The following PFKP variants were observed in gnomAD, a reference collection of about 807,000 sequenced individuals.
PFKP encodes ATP-dependent 6-phosphofructokinase, platelet type.
PFKP carries 101 observed loss-of-function variants against 94.3 expected under a neutral mutation model. The ratio of observed to expected loss-of-function variants is 1.07; its 90% confidence interval spans 0.91 to 1.26. PFKP has a LOEUF of 1.26. Ranked by LOEUF, PFKP falls within the 50% of genes most tolerant of loss-of-function variation. The pLI is 0.00. For missense variants in PFKP, 1,145 were observed against 1,103.3 expected (o/e 1.04, Z -0.53); for synonymous variants, 573 against 432.6 (o/e 1.32, Z -4.03).
intron 8 of PFKP, chr10:3,107,748 T>TCAC: frequency 2.6e-5 from 22 of 838,126 alleles, no homozygotes; most frequent in Non-Finnish European, 2.9e-5. Flanking sequence ...GAGCACATTC[T>TCAC]TACAAAGCCA....
At chr10:3,104,252 G>A (rs564981036) in intron 5 of PFKP, among the ~76,000 whole-genome samples, 2 of 152,250 alleles carry the variant, frequency 1.3e-5, no homozygotes, top group Non-Finnish European at 2.9e-5. Context: ...GCAGGAAACT[G>A]TTGTGTGGAT....
chr10:3,107,189 G>C (rs761504262), intron 7 of PFKP, 25 bp from the exon 8 acceptor site: 4 of 1,389,754 alleles, frequency 2.9e-6, no homozygotes, highest in East Asian at 2.3e-5. Flanking sequence ...AGGAATTTGA[G>C]AGCTTTAATT....
rs1360364081 is a variant in PFKP, at chr10:3,067,834, C to A, written c.112+127C>A. On this transcript the variant is annotated intron_variant, in intron 1 of 21. Coordinates refer to ENST00000381125, the MANE Select transcript of PFKP (RefSeq NM_002627.5). ...ATGGGGGGGACCCGGGGAAAGGTGG[C>A]GAAGCGATGGGGAGAACCGGGGAGA... The A allele has an allele frequency of 6.4e-6, 3 of 466,104 alleles. No homozygotes were observed. The East Asian group carries it at 1.1e-4, about 17-fold the overall frequency. The allele number at this position is 466,104 out of a possible 1,614,324, so 28.9% of individuals were successfully genotyped here.
intron 2 of PFKP, among the ~76,000 whole-genome samples, chr10:3,084,344 C>T (rs1352389296): frequency 6.6e-6 from 1 of 152,206 alleles, no homozygotes; most frequent in Non-Finnish European, 1.5e-5. Flanking sequence ...GCTTTCTAAG[C>T]CATGTTTCCC....
At position 3,097,508 on chromosome 10, in the gene PFKP, C is replaced by T. The variant is rs531152338; in HGVS notation, c.187-1767C>T. 3.0e-3 allele frequency among the ~76,000 whole-genome samples: 458 copies of T among 152,148 alleles called. 4 individuals are homozygous for T. Among genetic ancestry groups the T allele is most frequent in the African/African-American group, 0.011 (440 of 41,502 alleles). ...GACTGGGCTGTGTTTAGAAGATGTT[C>T]TGCTGTTTTGCCATGGAGGTAGGGG... On this transcript the variant is annotated intron_variant, in intron 2 of 21. Coordinates refer to ENST00000381125, the MANE Select transcript of PFKP (RefSeq NM_002627.5).
intron 2 of PFKP, 43 bp downstream of exon 2, chr10:3,082,504 GC>G: frequency 6.9e-7 from 1 of 1,447,604 alleles, no homozygotes; most frequent in Non-Finnish European, 9.6e-7. Flanking sequence ...TCTTCCACCT[GC>G]CCAGAGCCCT....
chr10:3,136,314 GGC>G (rs1839330792), intron 21 of PFKP, 134 bp from the exon 22 acceptor site: 1 of 746,758 alleles, frequency 1.3e-6, no homozygotes, highest in Non-Finnish European at 2.2e-6. Context: ...TCCTGAAATT[GGC>G]TTTATCATCT....
intron 16 of PFKP, among the ~76,000 whole-genome samples, chr10:3,120,948 G>T (rs7096442): frequency 0.45 from 69,086 of 152,106 alleles, 15,651 homozygotes; most frequent in East Asian, 0.48. Flanking sequence ...CTAAAAGTTT[G>T]TAGTAATTCT....
intron 1 of PFKP, among the ~76,000 whole-genome samples, chr10:3,076,046 A>G (rs1376381312): frequency 6.7e-6 from 1 of 148,378 alleles, no homozygotes; most frequent in African/African-American, 2.5e-5. Flanking sequence ...AAAAAGTAAA[A>G]ACCGGTAAAA....
intron 14 of PFKP, among the ~76,000 whole-genome samples, chr10:3,118,429 C>T (rs556088417): frequency 1.3e-5 from 2 of 152,130 alleles, no homozygotes; most frequent in South Asian, 4.2e-4. Context: ...GATTACGCCA[C>T]TACACTCCAG....
rs141623019 is a variant in PFKP, at chr10:3,136,488, G to A, written c.2264G>A (p.Arg755Gln). 25 of 1,613,420 alleles carry A rather than the reference G, an allele frequency of 1.5e-5. No homozygotes were observed. Among genetic ancestry groups the A allele is most frequent in the East Asian group, 4.5e-5 (2 of 44,868 alleles). Residue 755 changes from arginine (R) to glutamine (Q), a missense_variant, in exon 22 of 22, where the codon CGG becomes CAG. Around this residue, in one of 3 missense-constraint regions of PFKP, gnomAD observed 6 missense variants for 21.0 expected, o/e 0.29. Coordinates refer to ENST00000381125, the MANE Select transcript of PFKP (RefSeq NM_002627.5). Reference protein sequence around the residue: ...IPKEQWWLKLRPLMKILAKYK... With the variant: ...IPKEQWWLKLQPLMKILAKYK... ...AAAGAACAGTGGTGGCTCAAGCTAC[G>A]GCCCCTCATGAAAATCCTGGCCAAG...
intron 10 of PFKP, among the ~76,000 whole-genome samples, 162 bp from the exon 11 acceptor site, chr10:3,112,060 A>G (rs1344276210): frequency 6.6e-6 from 1 of 152,162 alleles, no homozygotes; most frequent in Non-Finnish European, 1.5e-5. Flanking sequence ...ATTAGGACAC[A>G]CTTGGCGGCC....
At chr10:3,070,955 C>T (rs1475163940) in intron 1 of PFKP, among the ~76,000 whole-genome samples, 1 of 151,614 alleles carries the variant, frequency 6.6e-6, no homozygotes, top group Admixed American at 6.6e-5. Context: ...ACTATGCTGC[C>T]GAGACTGGCC....
In PFKP at chr10:3,130,004, C is replaced by T. The variant is rs1294655842; in HGVS notation, c.1848+21C>T. 11 of 1,551,828 alleles carry T rather than the reference C, an allele frequency of 7.1e-6. No individual in the cohort carries two copies. In the African/African-American group the frequency reaches 1.2e-4, roughly 17 times the overall value. The stretch of plus-strand genomic sequence containing the variant: ...TGCAGGTATGTGACGGGGCTGGCCT[C>T]AGGGCCCGTCCCCTTGGGATCCACT... On this transcript the variant is annotated intron_variant, in intron 17 of 21. Transcript: ENST00000381125.
intron 18 of PFKP, among the ~76,000 whole-genome samples, chr10:3,132,804 C>T (rs1207799974): frequency 1.3e-5 from 2 of 152,210 alleles, no homozygotes; most frequent in African/African-American, 2.4e-5. Context: ...CCTGTATACA[C>T]GAGGTTGCTT....
At chr10:3,105,534 C>T (rs1406813742) in intron 7 of PFKP, 33 bp downstream of exon 7, 11 of 1,432,238 alleles carry the variant, frequency 7.7e-6, no homozygotes, top group African/African-American at 2.8e-5. Context: ...TGATAGCGGG[C>T]GATGCTGGCT....
At chr10:3,118,935 T>G (rs1219834003) in intron 15 of PFKP, 66 bp downstream of exon 15, 16 of 1,276,120 alleles carry the variant, frequency 1.3e-5, no homozygotes, top group Non-Finnish European at 1.6e-5. Flanking sequence ...GGCTAAACAT[T>G]AAGCTACTTG....
intron 2 of PFKP, among the ~76,000 whole-genome samples, chr10:3,092,415 G>A (rs1301614254): frequency 6.6e-6 from 1 of 152,072 alleles, no homozygotes; most frequent in Non-Finnish European, 1.5e-5. Context: ...AGAGGTGGAT[G>A]GGTGCAAACA....
chr10:3,076,579 T>C (rs1019685846), intron 1 of PFKP, among the ~76,000 whole-genome samples: 3 of 152,102 alleles, frequency 2.0e-5, no homozygotes, highest in Admixed American at 2.0e-4. Flanking sequence ...TTTTTCTCCT[T>C]AGCACTTACG....
Sources: gnomAD v4.1 joint callset for allele counts (sites outside exome capture counted in the v4.1 genomes callset) on GRCh38, gnomAD v4.1.1 for gene constraint, gnomAD v4.1.1 regional missense constraint, MANE v1.5 for transcripts, NCBI Gene and HGNC (gene_info 2026-07-23, HGNC 2026-07-21) for gene names.